The following PVR variants were observed in gnomAD, a reference collection of about 807,000 sequenced individuals.
PVR encodes poliovirus receptor.
Under a neutral mutation model 43.3 loss-of-function variants are expected in PVR, and 39 were observed. The ratio of observed to expected loss-of-function variants is 0.90; its 90% CI spans 0.70 to 1.18. The LOEUF (loss-of-function observed/expected upper bound fraction) is 1.18, where lower values mean the gene tolerates loss of function less well. PVR is among the 50% of genes most tolerant of loss of function. The pLI, the probability that PVR is intolerant of heterozygous loss-of-function variation, is 0.00. For synonymous variants in PVR, 224 were observed against 233.2 expected (o/e 0.96, Z 0.36); for missense variants, 480 against 549.7 (o/e 0.87, Z 1.27).
At chr19:44,648,652 C>CTGTTTTGTTT (rs55976228) in intron 2 of PVR, among the ~76,000 whole-genome samples, 2,521 of 151,428 alleles carry the variant, frequency 0.017, 62 homozygotes, top group African/African-American at 0.056. Flanking sequence ...AACTTGTTTT[C>CTGTTTTGTTT]TGTTTTGTTT....
chr19:44,664,683 ATAACTT>A lies in PVR; in HGVS notation c.*2875_*2880del, dbSNP rs1441957203. ...TTTCACTATTACAATGTTGTAGTGA[ATAACTT>A]TACACACTGTCATTTATTTTACTTT... On this transcript the variant is annotated 3_prime_UTR_variant, in exon 8 of 8. Coordinates refer to ENST00000425690, the MANE Select transcript of PVR (RefSeq NM_006505.5). 1 of 151,790 alleles carries A rather than the reference ATAACTT, an allele frequency of 6.6e-6. No individual in the cohort carries two copies. The highest frequency in any genetic ancestry group is 2.4e-5 in the African/African-American group (1 of 41,286). The allele number at this position is 151,790 out of a possible 1,614,324, so 9.4% of individuals were successfully genotyped here. A position where few individuals can be genotyped will look rare whatever the true frequency, so the allele number is the denominator to read the frequency against.
rs1973672386 is a variant in PVR, at chr19:44,664,879, C to T, written c.*3068C>T. The T allele has an allele frequency of 6.6e-6, 1 of 152,126 alleles. No homozygotes were observed. Among genetic ancestry groups the T allele is most frequent in the South Asian group, 2.1e-4 (1 of 4,814 alleles). The allele number at this position is 152,126 out of a possible 1,614,324, so 9.4% of individuals were successfully genotyped here. The stretch of plus-strand genomic sequence containing the variant: ...CACACTGTCATTTAGCTCATGTTAA[C>T]ACCTGAGTGTAGGACACACTCCTGG... On this transcript the variant is annotated 3_prime_UTR_variant, in exon 8 of 8. Coordinates refer to ENST00000425690, the MANE Select transcript of PVR (RefSeq NM_006505.5).
intron 3 of PVR, among the ~76,000 whole-genome samples, chr19:44,650,504 G>A (rs1162894668): frequency 6.6e-6 from 1 of 150,990 alleles, no homozygotes; most frequent in African/African-American, 2.4e-5. Flanking sequence ...TTCTGGCCAC[G>A]ATCAACACTG....
At chr19:44,649,267 TTATTA>T (rs1447183047) in intron 2 of PVR, among the ~76,000 whole-genome samples, 1 of 152,138 alleles carries the variant, frequency 6.6e-6, no homozygotes, top group Non-Finnish European at 1.5e-5. Context: ...TATTGAGCGC[TTATTA>T]TATACCATTC....
At position 44,662,038 on chromosome 19, in the gene PVR, A is replaced by G. The variant is rs1301146936; in HGVS notation, c.*227A>G. On this transcript the variant is annotated 3_prime_UTR_variant, in exon 8 of 8. Transcript: ENST00000425690. ...GACTCAGGAAAGCTGTTAGGCTCACAGTTACAGTTTATTACAGTAAAAGGA... is the reference window on the plus strand; with the variant it reads ...GACTCAGGAAAGCTGTTAGGCTCACGGTTACAGTTTATTACAGTAAAAGGA... 1.1e-5 allele frequency: 6 copies of G among 570,076 alleles called. No individual in the cohort carries two copies. Among genetic ancestry groups the G allele is most frequent in the African/African-American group, 9.4e-5 (5 of 53,368 alleles). 35.3% of individuals were successfully genotyped at this position (570,076 alleles called of 1,614,324 possible). A position where few individuals can be genotyped will look rare whatever the true frequency, so the allele number is the denominator to read the frequency against.
At chr19:44,651,035 A>G (rs1016435023) in intron 3 of PVR, among the ~76,000 whole-genome samples, 18 of 151,756 alleles carry the variant, frequency 1.2e-4, no homozygotes, top group Non-Finnish European at 2.5e-4. Flanking sequence ...TGCCCGGCTA[A>G]TTTTACAGTT....
intron 3 of PVR, among the ~76,000 whole-genome samples, chr19:44,651,480 G>C (rs925142522): frequency 6.6e-6 from 1 of 152,074 alleles, no homozygotes; most frequent in Non-Finnish European, 1.5e-5. Flanking sequence ...AACTGTCTCC[G>C]CCGGGTGCTA....
chr19:44,650,836 A>G (rs1056674512), intron 3 of PVR, among the ~76,000 whole-genome samples: 4 of 151,782 alleles, frequency 2.6e-5, no homozygotes, highest in African/African-American at 9.7e-5. Context: ...GTATGCTGGA[A>G]TTATAGGCAT....
In PVR at chr19:44,662,394, T is replaced by A. The variant is rs1358547510; in HGVS notation, c.*583T>A. ...CCTCAGCCTCCTGAGTAGCTATGAC[T>A]ACAGGTATGTGCCACCACGTCTGGC... On this transcript the variant is annotated 3_prime_UTR_variant, in exon 8 of 8. Transcript: ENST00000425690. 3 of 153,428 alleles carry A rather than the reference T, an allele frequency of 2.0e-5. No homozygotes were observed. The highest frequency in any genetic ancestry group is 4.8e-5 in the African/African-American group (2 of 41,464). 9.5% of individuals were successfully genotyped at this position (153,428 alleles called of 1,614,324 possible).
chr19:44,658,997 A>G (rs1288562683), intron 6 of PVR, 97 bp downstream of exon 6: 4 of 1,217,072 alleles, frequency 3.3e-6, no homozygotes, highest in Non-Finnish European at 4.7e-6. Flanking sequence ...CCCCACTGCC[A>G]TGAGGTTTCC....
chr19:44,654,115 A>T, intron 4 of PVR, 98 bp downstream of exon 4: 1 of 998,896 alleles, frequency 1.0e-6, no homozygotes. Flanking sequence ...CTGAGGGAGA[A>T]GGGGCTGGGG....
rs1404400403 is a variant in PVR at position 44,664,184 on chromosome 19, C to CTTTATTTATTTATTTG, written c.*2388_*2389insGTTTATTTATTTATTT. 2 of 151,800 alleles carry CTTTATTTATTTATTTG rather than the reference C, an allele frequency of 1.3e-5. No homozygotes were observed. Among genetic ancestry groups the CTTTATTTATTTATTTG allele is most frequent in the Non-Finnish European group, 2.9e-5 (2 of 67,980 alleles). 9.4% of individuals were successfully genotyped at this position (151,800 alleles called of 1,614,324 possible). A position where few individuals can be genotyped will look rare whatever the true frequency, so the allele number is the denominator to read the frequency against. On this transcript the variant is annotated 3_prime_UTR_variant, in exon 8 of 8. Coordinates refer to ENST00000425690, the MANE Select transcript of PVR (RefSeq NM_006505.5). ...TACCAAAAAACCATTGAATAGTGCA[C>CTTTATTTATTTATTTG]TTTATTTATTTATTTATTTGTTTAT...
intron 1 of PVR, among the ~76,000 whole-genome samples, chr19:44,644,622 G>A (rs1421946953): frequency 1.3e-5 from 2 of 151,970 alleles, no homozygotes; most frequent in Non-Finnish European, 2.9e-5. Flanking sequence ...GATGGTTGAT[G>A]TTGGGGAGGA....
In PVR at chr19:44,647,523, C is replaced by T; in HGVS notation, c.380C>T (p.Thr127Met). 6.2e-7 allele frequency: 1 copy of T among 1,613,966 alleles called. No homozygotes were observed. The highest frequency in any genetic ancestry group is 8.5e-7 in the Non-Finnish European group (1 of 1,179,972). The change falls in exon 2 of 8, where the codon ACG (threonine) becomes ATG (methionine). Residue 127 changes from threonine (T) to methionine (M), a missense_variant. Coordinates refer to ENST00000425690, the MANE Select transcript of PVR (RefSeq NM_006505.5). Reference sequence around the variant, plus strand: ...GGCAACTACACCTGCCTGTTCGTCACGTTCCCGCAGGGCAGCAGGAGCGTG... The same window carrying T: ...GGCAACTACACCTGCCTGTTCGTCATGTTCCCGCAGGGCAGCAGGAGCGTG... The part of the protein sequence containing the change: ...DEGNYTCLFV[T>M]FPQGSRSVDI...
At chr19:44,651,544 A>G (rs746629754) in intron 3 of PVR, among the ~76,000 whole-genome samples, 6 of 152,046 alleles carry the variant, frequency 3.9e-5, no homozygotes, top group African/African-American at 7.2e-5. Flanking sequence ...CAGTGTCTGC[A>G]GAGTCCCCCA....
At chr19:44,645,415 G>GTATACATATATA (rs1555762225) in intron 1 of PVR, among the ~76,000 whole-genome samples, 1 of 83,820 alleles carries the variant, frequency 1.2e-5, no homozygotes, top group East Asian at 3.7e-4. Context: ...TATGTTTTGT[G>GTATACATATATA]TATATATATA....
At chr19:44,656,376 G>C (rs1370611332) in intron 4 of PVR, among the ~76,000 whole-genome samples, 1 of 152,168 alleles carries the variant, frequency 6.6e-6, no homozygotes, top group African/African-American at 2.4e-5. Context: ...TGCCTTTACT[G>C]TCCTGCCTCA....
At chr19:44,653,752 C>T (rs772371711) in intron 3 of PVR, 148 bp from the exon 4 acceptor site, 2 of 626,274 alleles carry the variant, frequency 3.2e-6, no homozygotes, top group Admixed American at 2.3e-5. Flanking sequence ...CTGTGGCACC[C>T]CATCTACCTA....
At position 44,657,910 on chromosome 19, in the gene PVR, G is replaced by A; in HGVS notation, c.991G>A (p.Glu331Lys). 1.9e-6 allele frequency: 3 copies of A among 1,613,072 alleles called. No homozygotes were observed. Among genetic ancestry groups the A allele is most frequent in the Non-Finnish European group, 2.5e-6 (3 of 1,179,620 alleles). ...GGCAGAACTGACCGTCCAGGTCAAAGGTGAGGAACTCCCTGGGTGGGAAGA... is the reference window on the plus strand; with the variant it reads ...GGCAGAACTGACCGTCCAGGTCAAAAGTGAGGAACTCCCTGGGTGGGAAGA... ...RQAELTVQVKEGPPSEHSGMS... is the reference protein window; with the variant it reads ...RQAELTVQVKKGPPSEHSGMS... The change falls in exon 5 of 8, where the codon GAG (glutamate) becomes AAG (lysine). Residue 331 changes from glutamate (E) to lysine (K), a missense_variant and splice_region_variant. Transcript: ENST00000425690.
Sources: allele counts gnomAD v4.1 joint callset (sites outside exome capture counted in the v4.1 genomes callset), GRCh38; gene constraint gnomAD v4.1.1; transcripts MANE v1.5; gene names NCBI Gene and HGNC (gene_info 2026-07-23, HGNC 2026-07-21).